The following NADK2 variants were observed in gnomAD, a reference collection of about 807,000 sequenced individuals.
NADK2 encodes the protein NAD kinase domain-containing protein 1, mitochondrial.
NADK2 carries 35 observed loss-of-function variants against 62.1 expected under a neutral mutation model. The ratio of observed to expected loss-of-function variants is 0.56; its 90% confidence interval spans 0.43 to 0.75. The LOEUF (loss-of-function observed/expected upper bound fraction) is 0.75, where lower values mean the gene tolerates loss of function less well. Among genes scored for constraint, NADK2 ranks in the 30% least tolerant of loss-of-function variants. The pLI is 0.00. For missense variants in NADK2, 439 were observed against 561.3 expected, an observed-to-expected ratio of 0.78 and a Z score of 2.20; for synonymous variants, 205 against 207.9, an observed-to-expected ratio of 0.99 and a Z score of 0.12.
At chr5:36,200,128 A>G (rs925049734) in intron 10 of NADK2, 99 bp downstream of exon 10, 2 of 703,264 alleles carry the variant, frequency 2.8e-6, no homozygotes, top group Non-Finnish European at 4.3e-6. Flanking sequence ...ATGTTTGAGT[A>G]AAAAAAAGTA....
Position 36,194,882 on chromosome 5 carries a change from T to A in NADK2, c.*262A>T. On this transcript the variant is annotated 3_prime_UTR_variant, in exon 12 of 12. Coordinates refer to ENST00000381937, the MANE Select transcript of NADK2 (RefSeq NM_001085411.3). ...CTGCCCCTCTAAATTTAAAAAGGTA[T>A]CAGCACTCTTGGTTACCAATTGTAA... 3.1e-6 allele frequency: 1 copy of A among 327,450 alleles called. No individual in the cohort carries two copies. The highest frequency in any genetic ancestry group is 5.4e-5 in the East Asian group (1 of 18,628). The allele number at this position is 327,450 out of a possible 1,614,324, so 20.3% of individuals were successfully genotyped here.
chr5:36,234,697 A>T (rs1747838863), intron 1 of NADK2, among the ~76,000 whole-genome samples: 1 of 152,268 alleles, frequency 6.6e-6, no homozygotes, highest in Non-Finnish European at 1.5e-5. Flanking sequence ...TCTGAAGCAC[A>T]TATGGCAGAA....
rs376177511 is a variant in NADK2 at position 36,194,607 on chromosome 5, G to A, written c.*537C>T. On this transcript the variant is annotated 3_prime_UTR_variant, in exon 12 of 12. Transcript: ENST00000381937. ...AATAGTCATAACATCATCGTGTTCC[G>A]AAATTAGAAAATTATTAGCACATAT... 12 of 152,038 alleles carry A rather than the reference G, an allele frequency of 7.9e-5. No homozygotes were observed. The highest frequency in any genetic ancestry group is 1.9e-4 in the East Asian group (1 of 5,192). The allele number at this position is 152,038 out of a possible 1,614,324, so 9.4% of individuals were successfully genotyped here.
intron 7 of NADK2, among the ~76,000 whole-genome samples, chr5:36,210,717 C>T (rs1023156825): frequency 8.5e-5 from 13 of 152,110 alleles, no homozygotes; most frequent in South Asian, 2.1e-4. Flanking sequence ...TTAATTGGAT[C>T]CTGGTTAAAA....
intron 8 of NADK2, among the ~76,000 whole-genome samples, chr5:36,201,643 T>C (rs1005650774): frequency 6.6e-6 from 1 of 151,964 alleles, no homozygotes; most frequent in African/African-American, 2.4e-5. Context: ...AGGTATCATA[T>C]AGTGTATATG....
intron 8 of NADK2, among the ~76,000 whole-genome samples, chr5:36,201,853 T>C (rs1746461814): frequency 6.6e-6 from 1 of 152,028 alleles, no homozygotes; most frequent in African/African-American, 2.4e-5. Flanking sequence ...GCTTAACCAC[T>C]AAAAAACAAG....
At chr5:36,223,663 G>A (rs190194700) in intron 4 of NADK2, among the ~76,000 whole-genome samples, 54 of 152,236 alleles carry the variant, frequency 3.5e-4, no homozygotes, top group Non-Finnish European at 6.6e-4. Context: ...CAGTAGATTC[G>A]GTAAGTAGGA....
At chr5:36,204,894 G>C (rs1464444750) in intron 8 of NADK2, among the ~76,000 whole-genome samples, 1 of 151,860 alleles carries the variant, frequency 6.6e-6, no homozygotes, top group African/African-American at 2.4e-5. Flanking sequence ...GGTATGTGGG[G>C]ATTCATTACA....
chr5:36,215,888 C>T (rs949603274), intron 6 of NADK2, among the ~76,000 whole-genome samples: 2 of 152,086 alleles, frequency 1.3e-5, no homozygotes, highest in Admixed American at 6.5e-5. Flanking sequence ...GTGAATAGGG[C>T]GGCATCAAAC....
Position 36,236,878 on chromosome 5 carries a change from A to C in NADK2, c.300+4621T>G, listed in dbSNP as rs535632568. ...TCTGAGCTTAACCTCAAAAAAAAAA[A>C]AAAAAAAAACAGGAATTGGATAGAG... On this transcript the variant is annotated intron_variant, in intron 1 of 11. Transcript: ENST00000381937. 1.1e-4 allele frequency among the ~76,000 whole-genome samples: 17 copies of C among 151,410 alleles called. No homozygotes were observed. The East Asian group carries it at 2.8e-3, about 25-fold the overall frequency.
intron 11 of NADK2, among the ~76,000 whole-genome samples, chr5:36,195,697 A>ACAC (rs1746205669): frequency 2.6e-5 from 4 of 152,206 alleles, no homozygotes; most frequent in Admixed American, 2.6e-4. Flanking sequence ...CACCCAAATT[A>ACAC]TTAATGTACA....
chr5:36,208,695 G>A lies in NADK2; in HGVS notation c.861-1430C>T, dbSNP rs1039428978. Reference sequence around the variant, plus strand: ...ACAGCCCAAGAATAAGACATTCTAGGTTAGAACAAATAGGAGAAAAGAAAA... The same window carrying A: ...ACAGCCCAAGAATAAGACATTCTAGATTAGAACAAATAGGAGAAAAGAAAA... On this transcript the variant is annotated intron_variant, in intron 7 of 11. Transcript: ENST00000381937. 104 of 1,526,216 alleles carry A rather than the reference G, an allele frequency of 6.8e-5. No homozygotes were observed. The Admixed American group carries it at 1.9e-3, about 28-fold the overall frequency. The allele number at this position is 1,526,216 out of a possible 1,614,324, so 94.5% of individuals were successfully genotyped here.
At position 36,241,583 on chromosome 5, in the gene NADK2, C is replaced by G. The variant is rs1254440729; in HGVS notation, c.216G>C (p.Val72=). The part of the protein sequence containing the change: ...ADGGFRPSRV[V]VVAKTTRYEF... ...CGTACCGGGTGGTTTTGGCCACCACCACCACCCGGGAGGGGCGGAAGCCGC... is the reference window on the plus strand; with the variant it reads ...CGTACCGGGTGGTTTTGGCCACCACGACCACCCGGGAGGGGCGGAAGCCGC... The change falls in exon 1 of 12, where the codon GTG becomes GTC. Residue 72 remains valine (V), a synonymous_variant. Coordinates refer to ENST00000381937, the MANE Select transcript of NADK2 (RefSeq NM_001085411.3). The surrounding 1 kb of genome is among the most constrained non-coding windows in gnomAD (Gnocchi z 4.9). 1.3e-6 allele frequency: 2 copies of G among 1,535,766 alleles called. No homozygotes were observed. Among genetic ancestry groups the G allele is most frequent in the Non-Finnish European group, 1.7e-6 (2 of 1,151,476 alleles).
At chr5:36,201,208 G>A (rs1360731456) in intron 8 of NADK2, 47 bp from the exon 9 acceptor site, 4 of 1,508,746 alleles carry the variant, frequency 2.7e-6, no homozygotes, top group Admixed American at 3.5e-5. Context: ...CTAAAAACAT[G>A]CTAAAAATCA....
In NADK2 at chr5:36,195,170, G is replaced by A; in HGVS notation, c.1303C>T (p.Leu435Phe). The A allele has an allele frequency of 6.2e-7, 1 of 1,612,802 alleles. No individual in the cohort carries two copies. The highest frequency in any genetic ancestry group is 1.1e-5 in the South Asian group (1 of 90,748). Residue 435 changes from leucine to phenylalanine, a missense_variant, in exon 12 of 12, where the codon CTT becomes TTT. Leu to Phe is a conservative substitution (Grantham distance 22). Transcript: ENST00000381937. ...ASMMINKEDE[L>F]RTVLLEQ ...CACTGTTCAAGAAGCACAGTTCGAAGCTCATCTTCTTTATTGATCATCATC... is the reference window on the plus strand; with the variant it reads ...CACTGTTCAAGAAGCACAGTTCGAAACTCATCTTCTTTATTGATCATCATC...
chr5:36,242,225 AGG>A (rs1441946293), upstream of NADK2: 1 of 152,324 alleles, frequency 6.6e-6, no homozygotes, highest in East Asian at 1.9e-4. Context: ...TCCGGATCCG[AGG>A]GGCCGCGCCA....
Position 36,217,991 on chromosome 5 carries a change from GTTA to G in NADK2, c.645-110_645-108del, listed in dbSNP as rs915704900. ...AATAGTTAATAAAAACTAGTTACCA[GTTA>G]TTCCATGAATAAATTATATCAGAAA... is the stretch of plus-strand genomic sequence containing the variant. On this transcript the variant is annotated intron_variant, in intron 5 of 11. Coordinates refer to ENST00000381937, the MANE Select transcript of NADK2 (RefSeq NM_001085411.3). 7.4e-6 allele frequency: 7 copies of G among 952,114 alleles called. No individual in the cohort carries two copies. The Admixed American group carries it at 1.9e-4, about 26-fold the overall frequency. The allele number at this position is 952,114 out of a possible 1,614,324, so 59.0% of individuals were successfully genotyped here. A position where few individuals can be genotyped will look rare whatever the true frequency, so the allele number is the denominator to read the frequency against.
At position 36,201,423 on chromosome 5, in the gene NADK2, T is replaced by C. The variant is rs117929165; in HGVS notation, c.957-262A>G. On this transcript the variant is annotated intron_variant, in intron 8 of 11. Coordinates refer to ENST00000381937, the MANE Select transcript of NADK2 (RefSeq NM_001085411.3). ...AAAATGAACATATTCTTCAATCTAG[T>C]AATTTAACCTAAAATATACCTCCAT... 1.2e-3 allele frequency among the ~76,000 whole-genome samples: 175 copies of C among 152,114 alleles called. 6 individuals are homozygous for C. In the East Asian group the frequency reaches 0.022, roughly 19 times the overall value.
At chr5:36,228,114 G>A (rs951417791) in intron 1 of NADK2, among the ~76,000 whole-genome samples, 7 of 151,944 alleles carry the variant, frequency 4.6e-5, no homozygotes, top group Non-Finnish European at 7.4e-5. Context: ...TTTACCTTAC[G>A]AAATCTAAAC....
Sources: gnomAD v4.1 joint callset for allele counts (sites outside exome capture counted in the v4.1 genomes callset) on GRCh38, gnomAD v4.1.1 for gene constraint, Gnocchi (gnomAD v3.1) non-coding constraint, MANE v1.5 for transcripts, NCBI Gene and HGNC (gene_info 2026-07-23, HGNC 2026-07-21) for gene names.